The following COL4A2 variants were observed in gnomAD, a reference collection of about 807,000 sequenced individuals.
COL4A2 encodes collagen alpha-2(IV) chain.
COL4A2 carries 99 observed loss-of-function variants against 200.2 expected under a neutral mutation model. The observed-to-expected ratio is 0.49, with a 90% CI of 0.42 to 0.58. The LOEUF is 0.58. COL4A2 is among the 20% of genes least tolerant of loss of function. The pLI, the probability that COL4A2 is intolerant of heterozygous loss-of-function variation, is 0.00. For missense variants in COL4A2, 1,950 were observed against 2,314.1 expected (o/e 0.84, Z 3.23); for synonymous variants, 897 against 900.6 (o/e 1.00, Z 0.07).
intron 3 of COL4A2, among the ~76,000 whole-genome samples, chr13:110,312,909 G>A (rs1190191780): frequency 6.6e-6 from 1 of 152,210 alleles, no homozygotes; most frequent in African/African-American, 2.4e-5. Context: ...GGATCTCTCA[G>A]GTGATCAACA....
chr13:110,457,523 A>C, intron 21 of COL4A2, 88 bp downstream of exon 21: 1 of 790,092 alleles, frequency 1.3e-6, no homozygotes, highest in Non-Finnish European at 2.2e-6. Context: ...TCCCCCACTC[A>C]CGTGTTTGGA....
At chr13:110,441,162 C>A (rs561234346) in intron 16 of COL4A2, among the ~76,000 whole-genome samples, 128 of 152,328 alleles carry the variant, frequency 8.4e-4, no homozygotes, top group Middle Eastern at 6.8e-3. Context: ...AAATCACTAG[C>A]CTCAGAATCA....
chr13:110,489,788 A>G lies in COL4A2; in HGVS notation c.3346+3A>G, dbSNP rs1883225845. On this transcript the variant is annotated splice_donor_region_variant and intron_variant, in intron 36 of 47. Coordinates refer to ENST00000360467, the MANE Select transcript of COL4A2 (RefSeq NM_001846.4). The stretch of plus-strand genomic sequence containing the variant: ...GCGGGGCACCACTGGAATACCAGGT[A>G]CGCAAGTTATTTTCCTTGTCTTCAT... 1 of 1,604,856 alleles carries G rather than the reference A, an allele frequency of 6.2e-7. No homozygotes were observed. The highest frequency in any genetic ancestry group is 8.5e-7 in the Non-Finnish European group (1 of 1,176,250).
intron 3 of COL4A2, among the ~76,000 whole-genome samples, chr13:110,326,941 C>T (rs1402747810): frequency 6.6e-6 from 1 of 152,246 alleles, no homozygotes; most frequent in Non-Finnish European, 1.5e-5. Context: ...AGACAATAAG[C>T]TTGGCTTCGT....
At chr13:110,337,040 C>G (rs1224331430) in intron 3 of COL4A2, among the ~76,000 whole-genome samples, 1 of 152,152 alleles carries the variant, frequency 6.6e-6, no homozygotes, top group Non-Finnish European at 1.5e-5. Context: ...TTTCAAAGTT[C>G]CAAGGAGAAA....
chr13:110,366,155 G>T lies in COL4A2; in HGVS notation c.180+8603G>T, dbSNP rs374871288. ...GAAATGGCAATCTTCAAAGACCATT[G>T]TTTTGTTTTATTCGCTTCCAATTCA... On this transcript the variant is annotated intron_variant, in intron 4 of 47. Transcript: ENST00000360467. Among the ~76,000 whole-genome samples the T allele has an allele frequency of 5.3e-5, 8 of 152,268 alleles. No individual in the cohort carries two copies. In the East Asian group the frequency reaches 1.2e-3, roughly 22 times the overall value.
intron 29 of COL4A2, among the ~76,000 whole-genome samples, chr13:110,474,313 G>T (rs531472096): frequency 6.6e-6 from 1 of 152,206 alleles, no homozygotes; most frequent in Non-Finnish European, 1.5e-5. Context: ...CATCCTAAGC[G>T]AGATGGAGGC....
At chr13:110,338,840 C>G (rs1876324852) in intron 3 of COL4A2, among the ~76,000 whole-genome samples, 1 of 152,210 alleles carries the variant, frequency 6.6e-6, no homozygotes, top group Non-Finnish European at 1.5e-5. Flanking sequence ...CTGCCCTGAG[C>G]CGGGAGGTCA....
At chr13:110,481,670 T>G (rs61970300) in intron 31 of COL4A2, among the ~76,000 whole-genome samples, 4 of 18,868 alleles carry the variant, frequency 2.1e-4, no homozygotes, top group South Asian at 5.3e-3. Context: ...AGACACACAG[T>G]TCTGTCCTTC....
At chr13:110,445,927 A>T in intron 17 of COL4A2, 45 bp downstream of exon 17, 6 of 1,610,376 alleles carry the variant, frequency 3.7e-6, no homozygotes, top group Non-Finnish European at 5.1e-6. Flanking sequence ...TGTCTCGCCC[A>T]CCCTGGCTGG....
At chr13:110,477,630 T>G (rs1204471114) in intron 29 of COL4A2, among the ~76,000 whole-genome samples, 3 of 152,040 alleles carry the variant, frequency 2.0e-5, no homozygotes, top group Non-Finnish European at 4.4e-5. Context: ...GATGATAGAG[T>G]TTTATTCATG....
intron 3 of COL4A2, among the ~76,000 whole-genome samples, chr13:110,347,126 G>A (rs1876739461): frequency 1.3e-5 from 2 of 152,216 alleles, no homozygotes; most frequent in African/African-American, 4.8e-5. Context: ...GTCAGGAAAT[G>A]CCAAGCCCCC....
At chr13:110,435,375 A>G (rs1185202725) in intron 12 of COL4A2, among the ~76,000 whole-genome samples, 2 of 152,224 alleles carry the variant, frequency 1.3e-5, no homozygotes, top group Non-Finnish European at 2.9e-5. Flanking sequence ...CGTTAGATAT[A>G]ATGGAGATGA....
intron 20 of COL4A2, among the ~76,000 whole-genome samples, chr13:110,455,855 C>T (rs899301696): frequency 3.3e-5 from 5 of 152,192 alleles, no homozygotes; most frequent in African/African-American, 9.7e-5. Flanking sequence ...CTGTGTGTAA[C>T]GGCCTCATCC....
intron 4 of COL4A2, among the ~76,000 whole-genome samples, chr13:110,372,638 C>A (rs1878063428): frequency 6.6e-6 from 1 of 152,116 alleles, no homozygotes; most frequent in African/African-American, 2.4e-5. Context: ...AGAGAGATAA[C>A]CTGAAAAGAC....
chr13:110,389,085 T>C (rs1878885684), intron 4 of COL4A2, among the ~76,000 whole-genome samples: 1 of 152,122 alleles, frequency 6.6e-6, no homozygotes, highest in Admixed American at 6.5e-5. Context: ...TTGGTTGGGT[T>C]TATAAAGGCA....
At chr13:110,489,906 G>T in intron 36 of COL4A2, 121 bp downstream of exon 36, 1 of 998,930 alleles carries the variant, frequency 1.0e-6, no homozygotes, top group South Asian at 1.6e-5. Flanking sequence ...TAGTGAATGA[G>T]GTCTTCAAGT....
intron 29 of COL4A2, among the ~76,000 whole-genome samples, chr13:110,474,954 T>A: frequency 1.2e-5 from 1 of 80,506 alleles, no homozygotes. Flanking sequence ...GCACACACGA[T>A]CACACACACG....
At chr13:110,313,638 G>A (rs1309331) in intron 3 of COL4A2, among the ~76,000 whole-genome samples, 1 of 38 alleles carries the variant, frequency 0.026, no homozygotes, top group African/African-American at 0.033. Flanking sequence ...CTCCCACCCC[G>A]GTGCCCCGCG....
Sources: allele counts gnomAD v4.1 joint callset (sites outside exome capture counted in the v4.1 genomes callset), GRCh38; gene constraint gnomAD v4.1.1; transcripts MANE v1.5; gene names NCBI Gene and HGNC (gene_info 2026-07-23, HGNC 2026-07-21).